Variants in MGAT4C observed in about 807,000 individuals in gnomAD.
The protein encoded by MGAT4C is MGAT4 family member C, also known as alpha-1,3-mannosyl-glycoprotein 4-beta-N-acetylglucosaminyltransferase C.
A neutral mutation model predicts 40.1 loss-of-function variants in MGAT4C; 19 were observed. The ratio of observed to expected loss-of-function variants is 0.47; its 90% CI spans 0.33 to 0.70. The LOEUF (loss-of-function observed/expected upper bound fraction) is 0.70. Among genes scored for constraint, MGAT4C ranks in the 30% least tolerant of loss-of-function variants. The pLI is 0.02. For synonymous variants in MGAT4C, 181 were observed against 187.1 expected, an observed-to-expected ratio of 0.97 and a Z score of 0.27; for missense variants, 491 against 563.2, an observed-to-expected ratio of 0.87 and a Z score of 1.30.
chr12:86,700,041 T>TAGATAGATAGAC (rs1950328572), intron 2 of MGAT4C, among the ~76,000 whole-genome samples: 2 of 150,508 alleles, frequency 1.3e-5, no homozygotes, highest in African/African-American at 4.9e-5. Flanking sequence ...GATAAATAGA[T>TAGATAGATAGAC]AGATAGATAG....
intron 2 of MGAT4C, among the ~76,000 whole-genome samples, chr12:86,032,649 A>T (rs529078951): frequency 1.3e-5 from 2 of 149,782 alleles, no homozygotes; most frequent in Non-Finnish European, 3.0e-5. Context: ...AATTCCTTAT[A>T]GATTCTGGAT....
intron 1 of MGAT4C, among the ~76,000 whole-genome samples, chr12:86,758,201 A>C (rs1951339117): frequency 6.6e-6 from 1 of 152,118 alleles, no homozygotes; most frequent in Admixed American, 6.6e-5. Context: ...CACTGGTGTC[A>C]CAAAAATAAA....
At chr12:86,621,132 A>G (rs1962622500) in intron 2 of MGAT4C, among the ~76,000 whole-genome samples, 1 of 152,054 alleles carries the variant, frequency 6.6e-6, no homozygotes, top group African/African-American at 2.4e-5. Context: ...TTTATATAGT[A>G]CCCAATCATT....
intron 1 of MGAT4C, among the ~76,000 whole-genome samples, chr12:86,077,963 G>T (rs1319739472): frequency 6.6e-6 from 1 of 152,168 alleles, no homozygotes; most frequent in Non-Finnish European, 1.5e-5. Flanking sequence ...CCAGTTTAAT[G>T]GAATCGTTGT....
chr12:86,533,168 T>A (rs1470565019), intron 2 of MGAT4C, among the ~76,000 whole-genome samples: 1 of 152,052 alleles, frequency 6.6e-6, no homozygotes, highest in Non-Finnish European at 1.5e-5. Context: ...TTTTTTATAG[T>A]AGAATAAATG....
chr12:86,531,621 C>T (rs1260719019), intron 2 of MGAT4C, among the ~76,000 whole-genome samples: 3 of 151,982 alleles, frequency 2.0e-5, no homozygotes, highest in Non-Finnish European at 4.4e-5. Context: ...TCAGACTTTA[C>T]ATCCATTCAG....
Position 86,378,343 on chromosome 12 carries a change from A to C in MGAT4C, c.-119-44216T>G, listed in dbSNP as rs181121508. Among the ~76,000 whole-genome samples the C allele has an allele frequency of 5.9e-5, 9 of 152,284 alleles. 1 individual carries two copies. Among genetic ancestry groups the C allele is most frequent in the African/African-American group, 2.2e-4 (9 of 41,572 alleles). On this transcript the variant is annotated intron_variant, in intron 3 of 7. Coordinates refer to the MGAT4C transcript ENST00000548651. ...ATGACCACAGTGTGTTGGTATTTAC[A>C]TGGGACTTGAATTTGGAGTCAAAAA... is the stretch of plus-strand genomic sequence containing the variant.
At chr12:86,733,257 T>C (rs1412218969) in intron 1 of MGAT4C, among the ~76,000 whole-genome samples, 2 of 152,110 alleles carry the variant, frequency 1.3e-5, no homozygotes, top group African/African-American at 4.8e-5. Context: ...ATTCTAAAAA[T>C]ACCACATTTT....
chr12:86,722,533 C>T lies in MGAT4C; in HGVS notation c.-229+4676G>A, dbSNP rs141640088. Reference sequence around the variant, plus strand: ...TAATACATTTTGTGAACACATAGCACACTATCAAGACCACCTCAAAGACTG... The same window carrying T: ...TAATACATTTTGTGAACACATAGCATACTATCAAGACCACCTCAAAGACTG... On this transcript the variant is annotated intron_variant, in intron 2 of 7. Transcript: ENST00000548651. Among the ~76,000 whole-genome samples, 665 of 152,282 alleles carry T rather than the reference C, an allele frequency of 4.4e-3. 2 individuals carry two copies. Among genetic ancestry groups the T allele is most frequent in the African/African-American group, 0.015 (639 of 41,554 alleles).
chr12:86,800,432 A>C (rs181063727), intron 1 of MGAT4C, among the ~76,000 whole-genome samples: 1 of 151,982 alleles, frequency 6.6e-6, no homozygotes, highest in African/African-American at 2.4e-5. Flanking sequence ...TATAATCAAT[A>C]CTTGAATTAA....
At position 86,464,519 on chromosome 12, in the gene MGAT4C, C is replaced by G. The variant is rs578086153; in HGVS notation, c.-228-29254G>C. On this transcript the variant is annotated intron_variant, in intron 2 of 7. Transcript: ENST00000548651. ...ATATTCTCCACATACACCTAATTCA[C>G]CTGCACTAAAGTTTTGCTTTGATGA... 3.9e-5 allele frequency among the ~76,000 whole-genome samples: 6 copies of G among 152,232 alleles called. No individual in the cohort carries two copies. In the East Asian group the frequency reaches 7.7e-4, roughly 20 times the overall value.
intron 3 of MGAT4C, among the ~76,000 whole-genome samples, chr12:86,428,594 A>G (rs1052392555): frequency 6.6e-6 from 1 of 152,202 alleles, no homozygotes; most frequent in Non-Finnish European, 1.5e-5. Flanking sequence ...CTATTAGGGC[A>G]TAAGGTCCTG....
At chr12:86,813,500 T>A (rs1442781344) in intron 1 of MGAT4C, among the ~76,000 whole-genome samples, 3 of 143,866 alleles carry the variant, frequency 2.1e-5, no homozygotes, top group Non-Finnish European at 4.6e-5. Context: ...CACATTTTTT[T>A]CATATAGGTT....
rs760563980 is a variant in MGAT4C at position 85,979,755 on chromosome 12, T to G, written c.971A>C (p.Lys324Thr). Reference sequence around the variant, plus strand: ...CTCTTCAAAATCATCATCCTTCAGCTTATTCTCCGTCCCTTTGTATGATGA... The same window carrying G: ...CTCTTCAAAATCATCATCCTTCAGCGTATTCTCCGTCCCTTTGTATGATGA... Reference protein sequence around the residue: ...YYSSYKGTENKLKDDDFEEES... With the variant: ...YYSSYKGTENTLKDDDFEEES... Residue 324 changes from lysine to threonine, a missense_variant, in exon 5 of 5, where the codon AAG becomes ACG. Physicochemically the swap from Lys to Thr is moderately conservative, Grantham distance 78. Transcript: ENST00000611864. 1 of 1,613,614 alleles carries G rather than the reference T, an allele frequency of 6.2e-7. No individual in the cohort carries two copies.
intron 2 of MGAT4C, among the ~76,000 whole-genome samples, chr12:86,452,165 G>A (rs1957433336): frequency 6.6e-6 from 1 of 151,360 alleles, no homozygotes; most frequent in African/African-American, 2.4e-5. Flanking sequence ...CTGAAAGTGT[G>A]CAGTACTAAC....
intron 1 of MGAT4C, among the ~76,000 whole-genome samples, chr12:86,147,927 G>T (rs757364124): frequency 1.6e-4 from 24 of 152,074 alleles, no homozygotes; most frequent in Non-Finnish European, 2.5e-4. Context: ...ATATTTGAGA[G>T]ACAAATCTAA....
intron 4 of MGAT4C, among the ~76,000 whole-genome samples, chr12:86,321,700 G>A (rs11611600): frequency 3.9e-5 from 6 of 152,188 alleles, no homozygotes; most frequent in East Asian, 1.9e-4. Context: ...TTAGAATGGC[G>A]ATCATTAACA....
At chr12:86,575,959 T>C (rs1960541643) in intron 2 of MGAT4C, among the ~76,000 whole-genome samples, 4 of 151,878 alleles carry the variant, frequency 2.6e-5, no homozygotes, top group Admixed American at 2.6e-4. Flanking sequence ...CAACGTACAA[T>C]GTCCCCATTT....
At chr12:86,669,666 G>A (rs1257097694) in intron 2 of MGAT4C, among the ~76,000 whole-genome samples, 5 of 152,366 alleles carry the variant, frequency 3.3e-5, no homozygotes, top group African/African-American at 9.6e-5. Flanking sequence ...GACCTGGCCA[G>A]TTTGGCCCTG....
Sources: allele counts gnomAD v4.1 joint callset (sites outside exome capture counted in the v4.1 genomes callset), GRCh38; gene constraint gnomAD v4.1.1; transcripts MANE v1.5; gene names NCBI Gene and HGNC (gene_info 2026-07-23, HGNC 2026-07-21).